DGKI: variants seen among roughly 807,000 people sequenced by gnomAD.
DGKI encodes the protein diacylglycerol kinase iota.
In DGKI, 55 loss-of-function variants were observed where a neutral mutation model predicts 147.5. That is an observed-to-expected ratio of 0.37 (90% CI 0.30 to 0.47). The LOEUF is 0.47. Among genes scored for constraint, DGKI ranks in the 20% least tolerant of loss-of-function variants. DGKI has a pLI of 1.00. For synonymous variants in DGKI, 469 were observed against 477.1 expected, an observed-to-expected ratio of 0.98 and a Z score of 0.22; for missense variants, 1,007 against 1,323.8, an observed-to-expected ratio of 0.76 and a Z score of 3.71.
intron 8 of DGKI, among the ~76,000 whole-genome samples, chr7:137,613,029 T>C (rs1240620168): frequency 6.6e-6 from 1 of 152,130 alleles, no homozygotes; most frequent in Non-Finnish European, 1.5e-5. Context: ...ATCAATAAAA[T>C]CCTGATCATG....
chr7:137,424,841 C>T (rs1490309918), intron 28 of DGKI, among the ~76,000 whole-genome samples: 1 of 152,218 alleles, frequency 6.6e-6, no homozygotes, highest in South Asian at 2.1e-4. Flanking sequence ...GGGGGAGGGG[C>T]ACCCGCCATT....
chr7:137,487,469 C>T (rs1815605789), intron 22 of DGKI, 141 bp downstream of exon 22: 5 of 744,322 alleles, frequency 6.7e-6, no homozygotes, highest in Non-Finnish European at 9.4e-6. Flanking sequence ...GGGTGACATA[C>T]AGCGTATGCT....
chr7:137,842,988 G>A (rs1032065037), intron 1 of DGKI, among the ~76,000 whole-genome samples: 9 of 152,136 alleles, frequency 5.9e-5, no homozygotes, highest in East Asian at 1.9e-4. Context: ...GGGAAGCAGC[G>A]TGATGCGGTC....
chr7:137,579,003 C>A (rs1352543577), intron 15 of DGKI, among the ~76,000 whole-genome samples: 1 of 152,054 alleles, frequency 6.6e-6, no homozygotes, highest in Admixed American at 6.6e-5. Context: ...GCTAAAAATT[C>A]TTTCCATAGT....
At chr7:137,620,917 C>T (rs1332747608) in intron 7 of DGKI, among the ~76,000 whole-genome samples, 1 of 152,178 alleles carries the variant, frequency 6.6e-6, no homozygotes, top group Non-Finnish European at 1.5e-5. Flanking sequence ...TTAGATTATA[C>T]TTCACGTAAC....
intron 1 of DGKI, among the ~76,000 whole-genome samples, chr7:137,828,418 TC>T (rs1405058750): frequency 1.3e-5 from 2 of 152,178 alleles, no homozygotes; most frequent in African/African-American, 2.4e-5. Flanking sequence ...CCCAATGTTC[TC>T]CCAGTGATGC....
intron 31 of DGKI, among the ~76,000 whole-genome samples, chr7:137,396,514 G>A (rs1811558908): frequency 6.6e-6 from 1 of 152,236 alleles, no homozygotes; most frequent in African/African-American, 2.4e-5. Context: ...AAGGCAAAAT[G>A]GGGTAAGTGA....
chr7:137,572,931 G>T (rs999180435), intron 17 of DGKI, 93 bp from the exon 18 acceptor site: 2 of 836,522 alleles, frequency 2.4e-6, no homozygotes, highest in Non-Finnish European at 3.8e-6. Context: ...ACACACCATG[G>T]TCTCTTTCTC....
intron 28 of DGKI, among the ~76,000 whole-genome samples, chr7:137,425,084 C>T (rs1812738531): frequency 6.6e-6 from 1 of 152,200 alleles, no homozygotes; most frequent in Admixed American, 6.5e-5. Context: ...GGCAGACTTC[C>T]TCCTCAAATG....
At chr7:137,602,489 A>G in intron 10 of DGKI, among the ~76,000 whole-genome samples, 1 of 152,196 alleles carries the variant, frequency 6.6e-6, no homozygotes, top group Non-Finnish European at 1.5e-5. Context: ...GCATGATATG[A>G]TTACATCTTT....
At chr7:137,574,569 C>G (rs1458881920) in intron 17 of DGKI, among the ~76,000 whole-genome samples, 1 of 152,108 alleles carries the variant, frequency 6.6e-6, no homozygotes, top group Non-Finnish European at 1.5e-5. Flanking sequence ...GTTAGTGATT[C>G]TGGGAACTCA....
intron 1 of DGKI, among the ~76,000 whole-genome samples, chr7:137,767,499 AG>A (rs1796050221): frequency 6.7e-6 from 1 of 148,154 alleles, no homozygotes; most frequent in South Asian, 2.2e-4. Flanking sequence ...AGAGAAGAGA[AG>A]AGAAGAGAAG....
chr7:137,672,766 C>CCTTT (rs1374893677), intron 3 of DGKI, among the ~76,000 whole-genome samples: 1 of 65,664 alleles, frequency 1.5e-5, no homozygotes, highest in African/African-American at 7.2e-5. Context: ...CTCTGTGTGT[C>CCTTT]TTTTTTTTTT....
chr7:137,591,605 TG>T (rs1819621277), intron 12 of DGKI, among the ~76,000 whole-genome samples: 2 of 152,204 alleles, frequency 1.3e-5, no homozygotes, highest in African/African-American at 4.8e-5. Context: ...ACAAATTGGC[TG>T]GGTGAGTTTA....
At chr7:137,569,468 C>T (rs1009957512) in intron 19 of DGKI, among the ~76,000 whole-genome samples, 4 of 151,928 alleles carry the variant, frequency 2.6e-5, no homozygotes, top group African/African-American at 9.7e-5. Flanking sequence ...GTGGCTCACG[C>T]CTGTAATCCC....
intron 1 of DGKI, among the ~76,000 whole-genome samples, chr7:137,781,259 A>G (rs902086790): frequency 4.7e-4 from 72 of 152,348 alleles, no homozygotes; most frequent in African/African-American, 1.7e-3. Flanking sequence ...GGGTCGGGAA[A>G]GGTGTAGCCC....
At chr7:137,843,327 A>G (rs148430986) in intron 1 of DGKI, 6 of 651,680 alleles carry the variant, frequency 9.2e-6, no homozygotes, top group African/African-American at 2.0e-5. Flanking sequence ...ACACATATGT[A>G]TCTGTTGCAG....
chr7:137,635,540 A>G (rs906432291), intron 6 of DGKI, among the ~76,000 whole-genome samples: 2 of 152,148 alleles, frequency 1.3e-5, no homozygotes, highest in Admixed American at 1.3e-4. Flanking sequence ...CCTGCACAAC[A>G]TTGTGTCAGA....
intron 1 of DGKI, among the ~76,000 whole-genome samples, chr7:137,784,687 A>C (rs1428141232): frequency 6.6e-6 from 1 of 152,156 alleles, no homozygotes; most frequent in African/African-American, 2.4e-5. Flanking sequence ...ATTCATCAGC[A>C]CATGGTACAT....
Sources: allele counts gnomAD v4.1 joint callset (sites outside exome capture counted in the v4.1 genomes callset), GRCh38; gene constraint gnomAD v4.1.1; transcripts MANE v1.5; gene names NCBI Gene and HGNC (gene_info 2026-07-23, HGNC 2026-07-21).